Variants in LRRC4C observed in about 807,000 individuals in gnomAD.
LRRC4C encodes the protein leucine rich repeat containing 4C.
Under a neutral mutation model 33.6 loss-of-function variants are expected in LRRC4C, and 5 were observed. The ratio of observed to expected loss-of-function variants is 0.15; its 90% CI spans 0.08 to 0.31. The LOEUF is 0.31. Ranked by LOEUF, LRRC4C falls within the 10% of genes least tolerant of loss-of-function variation. LRRC4C has a pLI of 1.00. For missense variants in LRRC4C, 560 were observed against 796.7 expected, an observed-to-expected ratio of 0.70 and a Z score of 3.58; for synonymous variants, 329 against 302.0, an observed-to-expected ratio of 1.09 and a Z score of -0.93.
At chr11:41,072,405 C>T (rs1212977509) in intron 1 of LRRC4C, among the ~76,000 whole-genome samples, 1 of 151,858 alleles carries the variant, frequency 6.6e-6, no homozygotes, top group East Asian at 1.9e-4. Flanking sequence ...TTGAGCAGAG[C>T]TTGGTGAGAG....
In LRRC4C at chr11:40,369,276, G is replaced by A. The variant is rs199604359; in HGVS notation, c.-269-49555C>T. 5.3e-5 allele frequency among the ~76,000 whole-genome samples: 8 copies of A among 152,248 alleles called. No individual in the cohort carries two copies. The East Asian group carries it at 1.5e-3, about 29-fold the overall frequency. The stretch of plus-strand genomic sequence containing the variant: ...CTGGCATTTCTCTTCAGCTATCAGG[G>A]AGCAATGTCTCAATGTTCCTTGTCC... On this transcript the variant is annotated intron_variant, in intron 3 of 6. Coordinates refer to ENST00000528697, the MANE Select transcript of LRRC4C (RefSeq NM_001258419.2).
chr11:40,136,324 T>C (rs928167493), intron 6 of LRRC4C, among the ~76,000 whole-genome samples: 1 of 152,018 alleles, frequency 6.6e-6, no homozygotes, highest in Non-Finnish European at 1.5e-5. Flanking sequence ...TGGAGTGCAG[T>C]GGCGCGATCT....
chr11:41,439,847 G>GT (rs1186630968), intron 1 of LRRC4C, among the ~76,000 whole-genome samples: 1 of 152,034 alleles, frequency 6.6e-6, no homozygotes, highest in Admixed American at 6.6e-5. Flanking sequence ...TTTTGATGAG[G>GT]TTTTTTTAAA....
intron 1 of LRRC4C, among the ~76,000 whole-genome samples, chr11:40,988,407 A>G (rs1853229131): frequency 6.6e-6 from 1 of 152,130 alleles, no homozygotes; most frequent in Non-Finnish European, 1.5e-5. Context: ...TCCTATGTTC[A>G]ATCCCCTGAA....
chr11:40,310,483 A>G (rs1421264209), intron 4 of LRRC4C, among the ~76,000 whole-genome samples: 5 of 152,282 alleles, frequency 3.3e-5, no homozygotes, highest in Admixed American at 3.3e-4. Flanking sequence ...AACCTATTTT[A>G]TTGAAGGAAA....
chr11:40,630,121 T>A (rs1963325724), intron 3 of LRRC4C, among the ~76,000 whole-genome samples: 1 of 152,108 alleles, frequency 6.6e-6, no homozygotes, highest in Non-Finnish European at 1.5e-5. Flanking sequence ...ACTTTGTGAA[T>A]TTTCTGATGC....
intron 2 of LRRC4C, among the ~76,000 whole-genome samples, chr11:40,811,638 C>G (rs373978734): frequency 5.3e-5 from 8 of 152,142 alleles, no homozygotes; most frequent in African/African-American, 1.9e-4. Context: ...GCTGGGACTA[C>G]AGGCACACAC....
At chr11:40,461,328 T>C (rs565807202) in intron 3 of LRRC4C, among the ~76,000 whole-genome samples, 1 of 152,284 alleles carries the variant, frequency 6.6e-6, no homozygotes, top group South Asian at 2.1e-4. Flanking sequence ...TAGTGAAGCA[T>C]AGCTTTTTGC....
chr11:41,429,996 C>T (rs573058284), intron 1 of LRRC4C, among the ~76,000 whole-genome samples: 93 of 152,132 alleles, frequency 6.1e-4, no homozygotes, highest in Non-Finnish European at 1.1e-3. Flanking sequence ...ACCACACCAA[C>T]GATACACAAC....
At chr11:41,240,763 G>A (rs1264183643) in intron 1 of LRRC4C, among the ~76,000 whole-genome samples, 1 of 152,158 alleles carries the variant, frequency 6.6e-6, no homozygotes, top group East Asian at 1.9e-4. Context: ...AGTAGGATAT[G>A]CGTGGTGTGA....
intron 1 of LRRC4C, among the ~76,000 whole-genome samples, chr11:41,075,838 A>G (rs1403554735): frequency 3.3e-5 from 5 of 152,162 alleles, no homozygotes; most frequent in African/African-American, 1.2e-4. Flanking sequence ...TAGCTGACCA[A>G]CTCAATTGCT....
intron 1 of LRRC4C, among the ~76,000 whole-genome samples, chr11:41,219,241 T>C (rs1333364197): frequency 4.0e-5 from 6 of 150,436 alleles, no homozygotes; most frequent in Non-Finnish European, 8.8e-5. Flanking sequence ...CCAACAAAAT[T>C]ACAAAAATTC....
intron 1 of LRRC4C, among the ~76,000 whole-genome samples, chr11:41,298,635 T>C (rs1289034628): frequency 6.6e-6 from 1 of 152,264 alleles, no homozygotes; most frequent in East Asian, 1.9e-4. Context: ...TTTCTCTTGA[T>C]TGATCATTAT....
At chr11:40,555,080 T>C (rs1217126356) in intron 3 of LRRC4C, among the ~76,000 whole-genome samples, 1 of 152,204 alleles carries the variant, frequency 6.6e-6, no homozygotes, top group East Asian at 1.9e-4. Context: ...ACAGAAATGC[T>C]ACGATTTTAT....
chr11:40,938,642 A>G (rs1040480643), intron 1 of LRRC4C, among the ~76,000 whole-genome samples: 2 of 152,210 alleles, frequency 1.3e-5, no homozygotes, highest in African/African-American at 4.8e-5. Flanking sequence ...TAGGTGATTC[A>G]GACTTGACCA....
chr11:40,819,693 A>G (rs1429571123), intron 2 of LRRC4C, among the ~76,000 whole-genome samples: 1 of 152,060 alleles, frequency 6.6e-6, no homozygotes, highest in African/African-American at 2.4e-5. Context: ...AAAAGGGTCC[A>G]GCAGAAAATA....
intron 1 of LRRC4C, among the ~76,000 whole-genome samples, chr11:41,428,352 G>A (rs2138394766): frequency 6.6e-6 from 1 of 152,242 alleles, no homozygotes; most frequent in African/African-American, 2.4e-5. Flanking sequence ...AACTCTCAGA[G>A]TCTTATTTAA....
At chr11:41,132,549 A>C (rs932032109) in intron 1 of LRRC4C, among the ~76,000 whole-genome samples, 1 of 152,152 alleles carries the variant, frequency 6.6e-6, no homozygotes, top group Non-Finnish European at 1.5e-5. Context: ...AATAAAAAGC[A>C]AGATACCAAA....
At chr11:40,336,260 CCA>C (rs1446493326) in intron 3 of LRRC4C, among the ~76,000 whole-genome samples, 3 of 152,076 alleles carry the variant, frequency 2.0e-5, no homozygotes, top group African/African-American at 7.2e-5. Flanking sequence ...ACTGCATATC[CCA>C]GTTTTTTCTA....
Sources: allele counts gnomAD v4.1 joint callset (sites outside exome capture counted in the v4.1 genomes callset), GRCh38; gene constraint gnomAD v4.1.1; transcripts MANE v1.5; gene names NCBI Gene and HGNC (gene_info 2026-07-23, HGNC 2026-07-21).